The following AKAP19 variants were observed in gnomAD, a reference collection of about 807,000 sequenced individuals.
AKAP19 encodes small A-kinase anchoring protein.
chr2:190,139,711 C>T, the AKAP19 span, among the ~76,000 whole-genome samples: 1 of 152,098 alleles, frequency 6.6e-6, no homozygotes, highest in Non-Finnish European at 1.5e-5. Context: ...CAATTACCTC[C>T]CACAACATGT....
chr2:190,125,749 C>T, the AKAP19 span, among the ~76,000 whole-genome samples: 1 of 152,022 alleles, frequency 6.6e-6, no homozygotes, highest in Non-Finnish European at 1.5e-5. Context: ...TCTATAGAGT[C>T]ATGAATGTAA....
At chr2:189,937,203 A>G in the AKAP19 span, among the ~76,000 whole-genome samples, 1 of 152,206 alleles carries the variant, frequency 6.6e-6, no homozygotes, top group Non-Finnish European at 1.5e-5. Context: ...TGATGGTTAT[A>G]TGGAGACAGG....
chr2:189,898,519 C>T, the AKAP19 span, among the ~76,000 whole-genome samples: 13 of 152,214 alleles, frequency 8.5e-5, no homozygotes, highest in African/African-American at 2.9e-4. Context: ...TCCCAGTGTG[C>T]CCACATGCCT....
chr2:190,115,510 G>A, the AKAP19 span, among the ~76,000 whole-genome samples: 1 of 143,548 alleles, frequency 7.0e-6, no homozygotes, highest in Admixed American at 7.0e-5. Context: ...TAGTAGAGAC[G>A]GGGTTTCACC....
At chr2:190,035,927 A>G in the AKAP19 span, among the ~76,000 whole-genome samples, 575 of 152,310 alleles carry the variant, frequency 3.8e-3, no homozygotes, top group Non-Finnish European at 7.2e-3. Flanking sequence ...TTGGGTAAAT[A>G]TCTAGGCATG....
At chr2:189,906,308 C>T in the AKAP19 span, among the ~76,000 whole-genome samples, 6 of 151,996 alleles carry the variant, frequency 3.9e-5, no homozygotes, top group African/African-American at 1.4e-4. Flanking sequence ...AATTCCAGTT[C>T]ACTGTAGAAC....
the AKAP19 span, among the ~76,000 whole-genome samples, chr2:189,942,917 G>A: frequency 2.0e-5 from 3 of 152,324 alleles, no homozygotes; most frequent in East Asian, 5.8e-4. Context: ...TCAGATGTAG[G>A]AGCAAAGGAA....
At chr2:189,945,502 A>G in the AKAP19 span, among the ~76,000 whole-genome samples, 1 of 152,224 alleles carries the variant, frequency 6.6e-6, no homozygotes, top group African/African-American at 2.4e-5. Context: ...CAACTAAGTC[A>G]TTCCTGAATT....
At chr2:190,043,461 C>T in the AKAP19 span, among the ~76,000 whole-genome samples, 6 of 152,080 alleles carry the variant, frequency 3.9e-5, no homozygotes, top group Non-Finnish European at 8.8e-5. Context: ...TGAGAGTCTT[C>T]CTTCAGCTTG....
At chr2:190,070,457 A>C in the AKAP19 span, among the ~76,000 whole-genome samples, 2 of 152,038 alleles carry the variant, frequency 1.3e-5, no homozygotes, top group Non-Finnish European at 1.5e-5. Context: ...AAAAAAAAAA[A>C]AAACTTTCAT....
At chr2:190,071,115 AT>A in the AKAP19 span, among the ~76,000 whole-genome samples, 2 of 152,194 alleles carry the variant, frequency 1.3e-5, no homozygotes, top group African/African-American at 4.8e-5. Context: ...TAACAAAAAC[AT>A]TTAAAAACCT....
chr2:190,033,382 C>T, the AKAP19 span, among the ~76,000 whole-genome samples: 9 of 152,172 alleles, frequency 5.9e-5, no homozygotes, highest in Non-Finnish European at 8.8e-5. Flanking sequence ...AAATCTTAAA[C>T]GTGTCTGCGT....
At chr2:189,936,522 C>G in the AKAP19 span, among the ~76,000 whole-genome samples, 1 of 152,058 alleles carries the variant, frequency 6.6e-6, no homozygotes, top group Non-Finnish European at 1.5e-5. Context: ...AAAACTTTTT[C>G]TATTAAGGAT....
At chr2:190,160,236 T>C in the AKAP19 span, among the ~76,000 whole-genome samples, 1 of 152,178 alleles carries the variant, frequency 6.6e-6, no homozygotes, top group African/African-American at 2.4e-5. Flanking sequence ...GTAAATAACA[T>C]GGTCATTTTA....
At chr2:190,194,477 TACACACACACAC>T in the AKAP19 span, among the ~76,000 whole-genome samples, 717 of 141,474 alleles carry the variant, frequency 5.1e-3, 3 homozygotes, top group African/African-American at 0.015. Context: ...ATCCTGTGTA[TACACACACACAC>T]ACACACACAC....
the AKAP19 span, among the ~76,000 whole-genome samples, chr2:190,012,669 G>A: frequency 6.6e-6 from 1 of 152,056 alleles, no homozygotes; most frequent in Admixed American, 6.5e-5. Context: ...GATGGGAATG[G>A]GCATCATTGT....
the AKAP19 span, among the ~76,000 whole-genome samples, chr2:189,964,332 A>T: frequency 1.3e-5 from 2 of 152,190 alleles, no homozygotes; most frequent in African/African-American, 4.8e-5. Context: ...TTGTTGTTCC[A>T]TTTATAGAGC....
the AKAP19 span, among the ~76,000 whole-genome samples, chr2:190,171,901 T>C: frequency 4.6e-5 from 7 of 152,236 alleles, no homozygotes; most frequent in Non-Finnish European, 8.8e-5. Context: ...GATTGGTTCA[T>C]GCCACTGATC....
the AKAP19 span, among the ~76,000 whole-genome samples, chr2:190,129,329 A>C: frequency 0.011 from 1,660 of 152,346 alleles, 36 homozygotes; most frequent in African/African-American, 0.038. Flanking sequence ...TGTGTAATTA[A>C]AATTTATTCA....
Sources: gnomAD v4.1 joint callset for allele counts (sites outside exome capture counted in the v4.1 genomes callset) on GRCh38, gnomAD v4.1.1 for gene constraint, MANE v1.5 for transcripts, NCBI Gene and HGNC (gene_info 2026-07-23, HGNC 2026-07-21) for gene names.